The following VRK2 variants were observed in gnomAD, a reference collection of about 807,000 sequenced individuals.
VRK2 encodes VRK serine/threonine kinase 2.
VRK2 carries 60 observed loss-of-function variants against 57.6 expected under a neutral mutation model. That is an observed-to-expected ratio of 1.04 (90% CI 0.85 to 1.29). The LOEUF is 1.29. Ranked by LOEUF, VRK2 falls within the 50% of genes most tolerant of loss-of-function variation. The pLI, the probability that VRK2 is intolerant of heterozygous loss-of-function variation, is 0.00. For missense variants in VRK2, 705 were observed against 588.1 expected, an observed-to-expected ratio of 1.20 and a Z score of -2.06; for synonymous variants, 231 against 199.2, an observed-to-expected ratio of 1.16 and a Z score of -1.35.
At chr2:57,946,711 A>G (rs1181210498) in intron 1 of VRK2, among the ~76,000 whole-genome samples, 1 of 152,178 alleles carries the variant, frequency 6.6e-6, no homozygotes, top group Non-Finnish European at 1.5e-5. Flanking sequence ...TAAAAACCAG[A>G]TAATTCTAAA....
chr2:58,077,891 A>G (rs756816300), intron 2 of VRK2, among the ~76,000 whole-genome samples: 12 of 152,134 alleles, frequency 7.9e-5, no homozygotes, highest in Non-Finnish European at 1.6e-4. Context: ...ACTTCCAGCA[A>G]AGAGATAGCT....
intron 7 of VRK2, among the ~76,000 whole-genome samples, chr2:58,118,270 G>C (rs2104457370): frequency 6.6e-6 from 1 of 152,362 alleles, no homozygotes; most frequent in South Asian, 2.1e-4. Context: ...GACCAAGGCA[G>C]GTGTCCCTGC....
chr2:58,133,445 A>G (rs1165457047), intron 9 of VRK2, among the ~76,000 whole-genome samples: 1 of 152,226 alleles, frequency 6.6e-6, no homozygotes, highest in African/African-American at 2.4e-5. Flanking sequence ...ATTATAGTAC[A>G]TAATACATAA....
intron 1 of VRK2, among the ~76,000 whole-genome samples, chr2:58,016,628 G>A (rs1303928125): frequency 6.6e-6 from 1 of 152,134 alleles, no homozygotes; most frequent in African/African-American, 2.4e-5. Context: ...CAAAAGTGCT[G>A]GGATTACAGC....
chr2:58,030,342 A>G lies in VRK2; in HGVS notation c.-332-2885A>G, dbSNP rs140204974. The stretch of plus-strand genomic sequence containing the variant: ...TAAATATCATTTTTAAATGTCCTGA[A>G]TGGTACTGCCTAGATTTTCTTCTAG... On this transcript the variant is annotated intron_variant, in intron 2 of 15. Transcript: ENST00000417641. 2.0e-4 allele frequency among the ~76,000 whole-genome samples: 31 copies of G among 152,138 alleles called. No individual in the cohort carries two copies. The East Asian group carries it at 5.6e-3, about 28-fold the overall frequency.
intron 1 of VRK2, among the ~76,000 whole-genome samples, chr2:58,018,939 GT>G: frequency 1.3e-5 from 2 of 152,176 alleles, no homozygotes; most frequent in Admixed American, 1.3e-4. Flanking sequence ...TTAGTTATGT[GT>G]CCCCTTCTCT....
rs1679194268 is a variant in VRK2 at position 58,131,581 on chromosome 2, G to GA, written c.677-226dup. On this transcript the variant is annotated intron_variant, in intron 8 of 12. Coordinates refer to ENST00000340157, the MANE Select transcript of VRK2 (RefSeq NM_006296.7). ...GCCAGACTAAGGAAAGATGAAGTTG[G>GA]AGGAGGTGAGGAAACTGACCCTTAC... 2.0e-5 allele frequency among the ~76,000 whole-genome samples: 3 copies of GA among 152,228 alleles called. No homozygotes were observed. The South Asian group carries it at 6.2e-4, about 32-fold the overall frequency.
chr2:58,013,858 CAAA>C (rs60604486), intron 1 of VRK2, among the ~76,000 whole-genome samples: 1 of 62,788 alleles, frequency 1.6e-5, no homozygotes, highest in Non-Finnish European at 3.3e-5. Context: ...GACTCCGTCT[CAAA>C]AAAAAAAAAA....
intron 1 of VRK2, among the ~76,000 whole-genome samples, chr2:57,978,377 C>A (rs1328418519): frequency 6.6e-6 from 1 of 151,040 alleles, no homozygotes; most frequent in Non-Finnish European, 1.5e-5. Flanking sequence ...TTCGATTTGC[C>A]TCATAGCTAC....
intron 1 of VRK2, among the ~76,000 whole-genome samples, chr2:57,967,040 AATTTTTACATATTCATCCTAG>A (rs1280266450): frequency 6.6e-6 from 1 of 152,166 alleles, no homozygotes; most frequent in Non-Finnish European, 1.5e-5. Context: ...AATATGTGGA[AATTTTTACATATTCATCCTAG>A]ATAATTAAGT....
Position 58,158,249 on chromosome 2 carries a change from T to C in VRK2, c.1183-1100T>C, listed in dbSNP as rs190556479. Reference sequence around the variant, plus strand: ...AATAATTATTCACTTATTTTGACTTTAGTTAATAAAGCTGACAAACTTATG... The same window carrying C: ...AATAATTATTCACTTATTTTGACTTCAGTTAATAAAGCTGACAAACTTATG... On this transcript the variant is annotated intron_variant, in intron 12 of 12. Transcript: ENST00000340157. 3.3e-3 allele frequency among the ~76,000 whole-genome samples: 500 copies of C among 151,990 alleles called. 2 individuals carry two copies. Among genetic ancestry groups the C allele is most frequent in the Middle Eastern group, 0.014 (4 of 294 alleles).
At chr2:57,977,727 G>A (rs1349151582) in intron 1 of VRK2, among the ~76,000 whole-genome samples, 2 of 151,022 alleles carry the variant, frequency 1.3e-5, no homozygotes, top group Admixed American at 1.3e-4. Flanking sequence ...CTTGCCTGAT[G>A]GCTCTGTTTA....
chr2:57,965,767 A>C (rs2104009012), intron 1 of VRK2, among the ~76,000 whole-genome samples: 1 of 152,308 alleles, frequency 6.6e-6, no homozygotes. Context: ...TCCGAGGCTG[A>C]GTCCAGACCC....
chr2:57,981,008 G>A (rs1460176170), intron 1 of VRK2, among the ~76,000 whole-genome samples: 1 of 152,148 alleles, frequency 6.6e-6, no homozygotes, highest in Admixed American at 6.5e-5. Flanking sequence ...TCTTTTAAGT[G>A]AAGCACTTAG....
chr2:57,926,303 T>C (rs998466803), intron 1 of VRK2, among the ~76,000 whole-genome samples: 9 of 151,904 alleles, frequency 5.9e-5, no homozygotes, highest in Non-Finnish European at 1.2e-4. Context: ...GGATGATCTG[T>C]CCAATGCTGA....
chr2:58,013,131 A>C (rs1159135945), intron 1 of VRK2, among the ~76,000 whole-genome samples: 1 of 152,224 alleles, frequency 6.6e-6, no homozygotes, highest in Non-Finnish European at 1.5e-5. Context: ...GCAGCAAAAA[A>C]CAAAAATCTA....
At chr2:57,927,150 T>C (rs1558497032) in intron 1 of VRK2, among the ~76,000 whole-genome samples, 1 of 152,064 alleles carries the variant, frequency 6.6e-6, no homozygotes, top group South Asian at 2.1e-4. Flanking sequence ...AGAAAACTAA[T>C]AAAACTCTAC....
chr2:57,976,463 G>T (rs1285390522), intron 1 of VRK2, among the ~76,000 whole-genome samples: 1 of 151,814 alleles, frequency 6.6e-6, no homozygotes, highest in Non-Finnish European at 1.5e-5. Flanking sequence ...TAGCCATTCT[G>T]CAGGTCAAGC....
At chr2:58,083,848 G>A (rs930137347) in intron 2 of VRK2, among the ~76,000 whole-genome samples, 7 of 151,744 alleles carry the variant, frequency 4.6e-5, no homozygotes, top group Admixed American at 6.6e-5. Context: ...GTGATGTCAG[G>A]CAGATTTGAG....
Sources: gnomAD v4.1 joint callset for allele counts (sites outside exome capture counted in the v4.1 genomes callset) on GRCh38, gnomAD v4.1.1 for gene constraint, MANE v1.5 for transcripts, NCBI Gene and HGNC (gene_info 2026-07-23, HGNC 2026-07-21) for gene names.